BRIP1: variants seen among roughly 807,000 people sequenced by gnomAD.
BRIP1 encodes the protein BRCA1 interacting DNA helicase 1.
In BRIP1, 88 loss-of-function variants were observed where a neutral mutation model predicts 119.7. That is an observed-to-expected ratio of 0.74 (90% CI 0.62 to 0.88). The LOEUF is 0.88. BRIP1 is among the 40% of genes least tolerant of loss of function. The pLI, the probability that BRIP1 is intolerant of heterozygous loss-of-function variation, is 0.00. For missense variants in BRIP1, 1,259 were observed against 1,455.4 expected (o/e 0.87, Z 2.20); for synonymous variants, 443 against 496.5 (o/e 0.89, Z 1.43).
At chr17:61,837,096 CT>C (rs2078585984) in intron 6 of BRIP1, among the ~76,000 whole-genome samples, 1 of 152,170 alleles carries the variant, frequency 6.6e-6, no homozygotes, top group Non-Finnish European at 1.5e-5. Context: ...ATTTTGAAAA[CT>C]GTCAAACCCA....
rs927186137 is a variant in BRIP1 at position 61,691,698 on chromosome 17, C to T, written c.2575+1732G>A. Among the ~76,000 whole-genome samples, 5 of 152,336 alleles carry T rather than the reference C, an allele frequency of 3.3e-5. No individual in the cohort carries two copies. The East Asian group carries it at 7.7e-4, about 24-fold the overall frequency. Reference sequence around the variant, plus strand: ...CTCAAACTCCTGACCTCGTGATCCACCTGCCTTGGCCTCCCAAAACACTGG... The same window carrying T: ...CTCAAACTCCTGACCTCGTGATCCATCTGCCTTGGCCTCCCAAAACACTGG... On this transcript the variant is annotated intron_variant, in intron 18 of 19. Coordinates refer to ENST00000259008, the MANE Select transcript of BRIP1 (RefSeq NM_032043.3). The surrounding 1 kb of genome is among the most constrained non-coding windows in gnomAD (Gnocchi z 5.0).
intron 16 of BRIP1, among the ~76,000 whole-genome samples, chr17:61,716,900 C>T (rs1432759836): frequency 1.8e-5 from 1 of 55,468 alleles, no homozygotes; most frequent in African/African-American, 9.8e-5. Flanking sequence ...TATTAGTCTA[C>T]CTTAAAATAA....
At position 61,814,187 on chromosome 17, in the gene BRIP1, G is replaced by A. The variant is rs2078204958; in HGVS notation, c.628-5430C>T. 6.6e-6 allele frequency among the ~76,000 whole-genome samples: 1 copy of A among 151,952 alleles called. No individual in the cohort carries two copies. Among genetic ancestry groups the A allele is most frequent in the Non-Finnish European group, 1.5e-5 (1 of 67,908 alleles). On this transcript the variant is annotated intron_variant, in intron 6 of 19. Transcript: ENST00000259008. This position sits in a 1 kb window ranked among gnomAD's most constrained non-coding sequence, Gnocchi z 4.9. ...CCATAGGAAGATATCTTTTATGATC[G>A]AAATGTAGAGAAGGATTTCCTAAAA...
rs1213268784 is a variant in BRIP1 at position 61,717,240 on chromosome 17, A to G, written c.2380-1177T>C. ...AACATTAGTACATTAGTATTAAATA[A>G]TCTATGTATTTTATTCAGATTTCTG... On this transcript the variant is annotated intron_variant, in intron 16 of 19. Transcript: ENST00000259008. The surrounding 1 kb of genome is among the most constrained non-coding windows in gnomAD (Gnocchi z 4.1). Among the ~76,000 whole-genome samples the G allele has an allele frequency of 6.6e-6, 1 of 152,102 alleles. No individual in the cohort carries two copies. The highest frequency in any genetic ancestry group is 1.5e-5 in the Non-Finnish European group (1 of 67,968).
At position 61,690,450 on chromosome 17, in the gene BRIP1, TAG is replaced by T. The variant is rs2061431459; in HGVS notation, c.2575+2978_2575+2979del. 6.6e-6 allele frequency among the ~76,000 whole-genome samples: 1 copy of T among 152,226 alleles called. No homozygotes were observed. Among genetic ancestry groups the T allele is most frequent in the South Asian group, 2.1e-4 (1 of 4,830 alleles). On this transcript the variant is annotated intron_variant, in intron 18 of 19. Transcript: ENST00000259008. This position sits in a 1 kb window ranked among gnomAD's most constrained non-coding sequence, Gnocchi z 5.6. ...AAATGTGATGGGAAAAGTAAAAGTG[TAG>T]AGTTTATACAACTGAAATGAATTTG...
rs116812017 is a variant in BRIP1, at chr17:61,720,308, C to A, written c.2380-4245G>T. Among the ~76,000 whole-genome samples the A allele has an allele frequency of 6.6e-6, 1 of 152,070 alleles. No homozygotes were observed. The highest frequency in any genetic ancestry group is 1.5e-5 in the Non-Finnish European group (1 of 68,006). On this transcript the variant is annotated intron_variant, in intron 16 of 19. Transcript: ENST00000259008. The surrounding 1 kb of genome is among the most constrained non-coding windows in gnomAD (Gnocchi z 4.3). ...TGATAAATGTTTGAGATGACAGATA[C>A]GCTAATTACCCTGATCTAATCAATA...
Position 61,757,138 on chromosome 17 carries a change from A to G in BRIP1, c.2098-12547T>C, listed in dbSNP as rs1443598770. On this transcript the variant is annotated intron_variant, in intron 14 of 19. Coordinates refer to ENST00000259008, the MANE Select transcript of BRIP1 (RefSeq NM_032043.3). This position sits in a 1 kb window ranked among gnomAD's most constrained non-coding sequence, Gnocchi z 4.3. ...AGAAATAAAAAAGAGTTCCTTTTAAATACTAATAAAAATGAAAAAGTAGTA... is the reference window on the plus strand; with the variant it reads ...AGAAATAAAAAAGAGTTCCTTTTAAGTACTAATAAAAATGAAAAAGTAGTA... 6.6e-6 allele frequency among the ~76,000 whole-genome samples: 1 copy of G among 152,232 alleles called. No homozygotes were observed. Among genetic ancestry groups the G allele is most frequent in the Non-Finnish European group, 1.5e-5 (1 of 68,040 alleles).
intron 17 of BRIP1, among the ~76,000 whole-genome samples, chr17:61,711,739 G>A (rs948876575): frequency 6.6e-6 from 1 of 151,958 alleles, no homozygotes; most frequent in Non-Finnish European, 1.5e-5. Context: ...GTGGTGGCAT[G>A]TGCCTGTAAT....
intron 10 of BRIP1, 125 bp from the exon 11 acceptor site, chr17:61,784,549 G>T: frequency 1.1e-6 from 1 of 877,648 alleles, no homozygotes. Flanking sequence ...AATTGCTATA[G>T]TTTGATAGTC....
rs1471687305 is a variant in BRIP1 at position 61,770,372 on chromosome 17, T to C, written c.2097+6029A>G. The stretch of plus-strand genomic sequence containing the variant: ...ATTTAAGAATAAGTTTTTAGGGACA[T>C]TGGAGAGTAACTCAAGTCCACATTA... On this transcript the variant is annotated intron_variant, in intron 14 of 19. Transcript: ENST00000259008. The surrounding 1 kb of genome is among the most constrained non-coding windows in gnomAD (Gnocchi z 4.7). Among the ~76,000 whole-genome samples the C allele has an allele frequency of 6.6e-6, 1 of 152,154 alleles. No individual in the cohort carries two copies. The highest frequency in any genetic ancestry group is 1.5e-5 in the Non-Finnish European group (1 of 68,028).
In BRIP1 at chr17:61,780,129, T is replaced by C; in HGVS notation, c.1935+132A>G. 1 of 982,654 alleles carries C rather than the reference T, an allele frequency of 1.0e-6. No individual in the cohort carries two copies. The highest frequency in any genetic ancestry group is 2.2e-5 in the Admixed American group (1 of 45,764). 60.9% of individuals were successfully genotyped at this position (982,654 alleles called of 1,614,324 possible). A position where few individuals can be genotyped will look rare whatever the true frequency, so the allele number is the denominator to read the frequency against. ...TAAGTAGCTGACAGATTTTCTTTTA[T>C]TGTAAAACTGGAATGTTGAATTTCC... is the stretch of plus-strand genomic sequence containing the variant. On this transcript the variant is annotated intron_variant, in intron 13 of 19. Coordinates refer to ENST00000259008, the MANE Select transcript of BRIP1 (RefSeq NM_032043.3). This position sits in a 1 kb window ranked among gnomAD's most constrained non-coding sequence, Gnocchi z 5.4.
rs528422757 is a variant in BRIP1, at chr17:61,861,969, A to G, written c.-30-400T>C. 5.1e-5 allele frequency: 11 copies of G among 217,402 alleles called. No individual in the cohort carries two copies. The highest frequency in any genetic ancestry group is 4.2e-4 in the Admixed American group (8 of 19,008). The allele number at this position is 217,402 out of a possible 1,614,324, so 13.5% of individuals were successfully genotyped here. A position where few individuals can be genotyped will look rare whatever the true frequency, so the allele number is the denominator to read the frequency against. ...AGATGTAATCAACCTACAGAAACAA[A>G]TAAGTTCCTGAGGCCTCTCTCTCTA... On this transcript the variant is annotated intron_variant, in intron 1 of 19. Coordinates refer to ENST00000259008, the MANE Select transcript of BRIP1 (RefSeq NM_032043.3). This position sits in a 1 kb window ranked among gnomAD's most constrained non-coding sequence, Gnocchi z 4.5.
At position 61,799,759 on chromosome 17, in the gene BRIP1, C is replaced by T. The variant is rs757587437; in HGVS notation, c.1141-460G>A. On this transcript the variant is annotated intron_variant, in intron 8 of 19. Coordinates refer to ENST00000259008, the MANE Select transcript of BRIP1 (RefSeq NM_032043.3). This position sits in a 1 kb window ranked among gnomAD's most constrained non-coding sequence, Gnocchi z 5.1. ...AACCTTTAAAAGTAAAATAACAATA[C>T]AAGATTAAAATGACTCTTAAAATAC... is the stretch of plus-strand genomic sequence containing the variant. Among the ~76,000 whole-genome samples the T allele has an allele frequency of 2.0e-5, 3 of 151,848 alleles. No homozygotes were observed. The highest frequency in any genetic ancestry group is 4.4e-5 in the Non-Finnish European group (3 of 67,944).
Position 61,810,244 on chromosome 17 carries a change from G to A in BRIP1, c.628-1487C>T, listed in dbSNP as rs2078141310. Among the ~76,000 whole-genome samples the A allele has an allele frequency of 6.6e-6, 1 of 152,138 alleles. No individual in the cohort carries two copies. The highest frequency in any genetic ancestry group is 2.4e-5 in the African/African-American group (1 of 41,422). Reference sequence around the variant, plus strand: ...TACTTATTCACTAAAAGGATAAAAAGAAGAGTTATGAATGGGGCTCTTGTC... The same window carrying A: ...TACTTATTCACTAAAAGGATAAAAAAAAGAGTTATGAATGGGGCTCTTGTC... On this transcript the variant is annotated intron_variant, in intron 6 of 19. Transcript: ENST00000259008. This position sits in a 1 kb window ranked among gnomAD's most constrained non-coding sequence, Gnocchi z 4.7.
rs934590140 is a variant in BRIP1 at position 61,778,613 on chromosome 17, T to G, written c.1935+1648A>C. Among the ~76,000 whole-genome samples the G allele has an allele frequency of 6.6e-6, 1 of 152,192 alleles. No individual in the cohort carries two copies. Among genetic ancestry groups the G allele is most frequent in the African/African-American group, 2.4e-5 (1 of 41,460 alleles). ...ATAGGTTAAATGGACTTTTGTGCAG[T>G]AGGCTGAGAACATAGAGCCTGTAAT... On this transcript the variant is annotated intron_variant, in intron 13 of 19. Transcript: ENST00000259008. This position sits in a 1 kb window ranked among gnomAD's most constrained non-coding sequence, Gnocchi z 4.4.
rs1408974213 is a variant in BRIP1, at chr17:61,758,845, A to C, written c.2098-14254T>G. 6.6e-6 allele frequency among the ~76,000 whole-genome samples: 1 copy of C among 151,806 alleles called. No homozygotes were observed. Among genetic ancestry groups the C allele is most frequent in the Non-Finnish European group, 1.5e-5 (1 of 67,960 alleles). On this transcript the variant is annotated intron_variant, in intron 14 of 19. Coordinates refer to ENST00000259008, the MANE Select transcript of BRIP1 (RefSeq NM_032043.3). This position sits in a 1 kb window ranked among gnomAD's most constrained non-coding sequence, Gnocchi z 5.3. ...CAGCAAGACCCTATCTCTAAAAAAA[A>C]AAAAGTTTTTAAAAAATGTATCTGG...
At chr17:61,839,492 G>C (rs891931971) in intron 6 of BRIP1, among the ~76,000 whole-genome samples, 2 of 151,800 alleles carry the variant, frequency 1.3e-5, no homozygotes, top group Non-Finnish European at 2.9e-5. Flanking sequence ...ACAAATATTA[G>C]AGCTCAACCA....
rs901254654 is a variant in BRIP1 at position 61,769,151 on chromosome 17, C to G, written c.2097+7250G>C. ...GGAAGCTAATCTTTCCCCAGTCAAGCCTTTAGTGAGACCACAACCCCAGTT... is the reference window on the plus strand; with the variant it reads ...GGAAGCTAATCTTTCCCCAGTCAAGGCTTTAGTGAGACCACAACCCCAGTT... On this transcript the variant is annotated intron_variant, in intron 14 of 19. Coordinates refer to ENST00000259008, the MANE Select transcript of BRIP1 (RefSeq NM_032043.3). The surrounding 1 kb of genome is among the most constrained non-coding windows in gnomAD (Gnocchi z 4.9). 3.3e-5 allele frequency among the ~76,000 whole-genome samples: 5 copies of G among 152,228 alleles called. No homozygotes were observed. The highest frequency in any genetic ancestry group is 1.2e-4 in the African/African-American group (5 of 41,502).
At chr17:61,711,258 A>C (rs2061769783) in intron 17 of BRIP1, among the ~76,000 whole-genome samples, 1 of 152,142 alleles carries the variant, frequency 6.6e-6, no homozygotes, top group Non-Finnish European at 1.5e-5. Flanking sequence ...CTTATACTAA[A>C]AGGAAGAAAA....
Sources: allele counts gnomAD v4.1 joint callset (sites outside exome capture counted in the v4.1 genomes callset), GRCh38; gene constraint gnomAD v4.1.1; non-coding constraint Gnocchi (gnomAD v3.1); transcripts MANE v1.5; gene names NCBI Gene and HGNC (gene_info 2026-07-23, HGNC 2026-07-21).